Variants in TRMT1L observed in about 807,000 individuals in gnomAD.
TRMT1L encodes the protein tRNA (guanine(27)-N(2))-dimethyltransferase.
Under a neutral mutation model 81.6 loss-of-function variants are expected in TRMT1L, and 28 were observed. The observed-to-expected ratio is 0.34, with a 90% CI of 0.25 to 0.47. TRMT1L has a LOEUF of 0.47. Among genes scored for constraint, TRMT1L ranks in the 20% least tolerant of loss-of-function variants. The pLI is 1.00. For synonymous variants in TRMT1L, 301 were observed against 303.2 expected (o/e 0.99, Z 0.07); for missense variants, 739 against 877.1 (o/e 0.84, Z 1.99).
intron 3 of TRMT1L, among the ~76,000 whole-genome samples, chr1:185,149,979 C>G (rs78911245): frequency 0.013 from 1,990 of 152,034 alleles, 37 homozygotes; most frequent in African/African-American, 0.045. Flanking sequence ...TTTTTTTAAG[C>G]CATCAGCAGA....
At chr1:185,143,486 T>C (rs753633784) in intron 6 of TRMT1L, 50 bp from the exon 7 acceptor site, 5 of 1,509,022 alleles carry the variant, frequency 3.3e-6, no homozygotes, top group East Asian at 2.3e-5. Flanking sequence ...TTCACCATCA[T>C]AGATTTTATT....
chr1:185,131,009 A>AT (rs941368493), intron 10 of TRMT1L, among the ~76,000 whole-genome samples: 27 of 148,836 alleles, frequency 1.8e-4, no homozygotes, highest in East Asian at 3.9e-4. Flanking sequence ...TTTTATTTTT[A>AT]TTTTTTTTTT....
At chr1:185,133,588 C>T (rs1007627343) in intron 10 of TRMT1L, among the ~76,000 whole-genome samples, 10 of 150,600 alleles carry the variant, frequency 6.6e-5, no homozygotes, top group Admixed American at 4.0e-4. Context: ...TCTGGTTCTT[C>T]TGACTTGCTT....
At chr1:185,154,570 A>C (rs1331885176) in intron 1 of TRMT1L, among the ~76,000 whole-genome samples, 1 of 152,254 alleles carries the variant, frequency 6.6e-6, no homozygotes, top group Non-Finnish European at 1.5e-5. Context: ...TTTTGGTTCC[A>C]GAGTTCAAAG....
Position 185,156,680 on chromosome 1 carries a change from G to T in TRMT1L, c.33C>A (p.Pro11=). ...CCACCTCCACCTCCTCCTTCTCCAG[G>T]GGCAGCAGCTCCTCCTCCGCCATAT... is the stretch of plus-strand genomic sequence containing the variant. MENMAEEELL[P]LEKEEVEVAQ... is the part of the protein sequence containing the mutation. Residue 11 remains proline (P), a synonymous_variant, in exon 1 of 15, where the codon CCC becomes CCA. Transcript: ENST00000367506. 6.2e-7 allele frequency: 1 copy of T among 1,612,304 alleles called. No homozygotes were observed. The highest frequency in any genetic ancestry group is 8.5e-7 in the Non-Finnish European group (1 of 1,179,666).
chr1:185,125,201 A>G (rs1430656654), intron 11 of TRMT1L, 91 bp from the exon 12 acceptor site: 8 of 816,206 alleles, frequency 9.8e-6, no homozygotes, highest in African/African-American at 1.7e-5. Flanking sequence ...AGTAAGATAT[A>G]TAATTAATTA....
intron 8 of TRMT1L, 61 bp from the exon 9 acceptor site, chr1:185,139,640 G>C (rs904394714): frequency 1.8e-6 from 2 of 1,111,216 alleles, no homozygotes; most frequent in East Asian, 5.2e-5. Flanking sequence ...TTATACCACT[G>C]TAATTATTTC....
chr1:185,131,911 T>C (rs1263018576), intron 10 of TRMT1L, among the ~76,000 whole-genome samples: 1 of 150,932 alleles, frequency 6.6e-6, no homozygotes, highest in Non-Finnish European at 1.5e-5. Flanking sequence ...GGAGACGAGG[T>C]AGGCAGATCA....
In TRMT1L at chr1:185,147,170, A is replaced by T. The variant is rs372543236; in HGVS notation, c.525+12T>A. On this transcript the variant is annotated intron_variant, in intron 4 of 14. Transcript: ENST00000367506. Reference sequence around the variant, plus strand: ...CTAAATTTAAAAATAAAAAAATCTAATATCTGATCACCTGTTCTCCAATAA... The same window carrying T: ...CTAAATTTAAAAATAAAAAAATCTATTATCTGATCACCTGTTCTCCAATAA... The T allele has an allele frequency of 3.8e-6, 6 of 1,584,362 alleles. No homozygotes were observed. The South Asian group carries it at 5.8e-5, about 15-fold the overall frequency.
chr1:185,119,781 C>CTT lies in TRMT1L; in HGVS notation c.*236_*237dup. The CTT allele has an allele frequency of 2.4e-6, 1 of 412,618 alleles. No homozygotes were observed. Among genetic ancestry groups the CTT allele is most frequent in the East Asian group, 3.8e-5 (1 of 26,600 alleles). 25.6% of individuals were successfully genotyped at this position (412,618 alleles called of 1,614,324 possible). On this transcript the variant is annotated 3_prime_UTR_variant, in exon 15 of 15. Coordinates refer to ENST00000367506, the MANE Select transcript of TRMT1L (RefSeq NM_030934.5). ...AAGCAGTAGGGTGATCTCAGTGAGACTTGGCTTCATATGAAATGTTTCCAT... is the reference window on the plus strand; with the variant it reads ...AAGCAGTAGGGTGATCTCAGTGAGACTTTTGGCTTCATATGAAATGTTTCCAT...
intron 8 of TRMT1L, 56 bp downstream of exon 8, chr1:185,139,917 G>A (rs913864614): frequency 4.8e-5 from 74 of 1,534,122 alleles, no homozygotes; most frequent in East Asian, 3.4e-4. Flanking sequence ...ACTACTCCTC[G>A]TCCCCAAAAT....
upstream of TRMT1L, chr1:185,157,050 C>T: frequency 6.5e-6 from 2 of 307,740 alleles, no homozygotes; most frequent in Non-Finnish European, 1.2e-5. Flanking sequence ...CACCGGCCAA[C>T]CACCAAACCG....
intron 9 of TRMT1L, among the ~76,000 whole-genome samples, chr1:185,138,179 T>TATGCAGGATAGTATG (rs1652947893): frequency 6.6e-6 from 1 of 152,228 alleles, no homozygotes; most frequent in Admixed American, 6.5e-5. Flanking sequence ...GTAATGACTA[T>TATGCAGGATAGTATG]ATGCAGGATA....
At chr1:185,122,078 G>A (rs557538929) in intron 13 of TRMT1L, among the ~76,000 whole-genome samples, 1 of 152,212 alleles carries the variant, frequency 6.6e-6, no homozygotes, top group East Asian at 1.9e-4. Context: ...TTAGGATAAC[G>A]GCCTAGAGTG....
intron 10 of TRMT1L, among the ~76,000 whole-genome samples, chr1:185,132,140 T>TA (rs1557986522): frequency 6.7e-6 from 1 of 148,416 alleles, no homozygotes. Context: ...GACTCCATCT[T>TA]AAAAAAAAGA....
In TRMT1L at chr1:185,137,414, C is replaced by A. The variant is rs1292986739; in HGVS notation, c.1513+192G>T. On this transcript the variant is annotated intron_variant, in intron 10 of 14. Transcript: ENST00000367506. ...GAGCTAGAAAGCATATATTGTACAG[C>A]ATGAGTAAATAACTTTAATAAACTC... 6 of 703,834 alleles carry A rather than the reference C, an allele frequency of 8.5e-6. No individual in the cohort carries two copies. The Admixed American group carries it at 1.2e-4, about 14-fold the overall frequency. The allele number at this position is 703,834 out of a possible 1,614,324, so 43.6% of individuals were successfully genotyped here. A position where few individuals can be genotyped will look rare whatever the true frequency, so the allele number is the denominator to read the frequency against.
Position 185,156,736 on chromosome 1 carries a change from C to T in TRMT1L, c.-24G>A. 7 of 1,611,810 alleles carry T rather than the reference C, an allele frequency of 4.3e-6. No individual in the cohort carries two copies. Among genetic ancestry groups the T allele is most frequent in the Non-Finnish European group, 5.9e-6 (7 of 1,179,502 alleles). On this transcript the variant is annotated 5_prime_UTR_variant, in exon 1 of 15. Coordinates refer to ENST00000367506, the MANE Select transcript of TRMT1L (RefSeq NM_030934.5). ...ATAGTTACCGCCTCCGTGCCAAGCC[C>T]GCCCGGGGACCCGGAGCGGGGCTCA...
At chr1:185,151,468 C>T (rs1653344635) in intron 2 of TRMT1L, among the ~76,000 whole-genome samples, 1 of 152,102 alleles carries the variant, frequency 6.6e-6, no homozygotes, top group Admixed American at 6.5e-5. Context: ...ACTCTCATAC[C>T]AGCCCTAAAT....
intron 2 of TRMT1L, among the ~76,000 whole-genome samples, chr1:185,150,993 C>T (rs932403176): frequency 1.3e-5 from 2 of 152,134 alleles, no homozygotes; most frequent in African/African-American, 2.4e-5. Context: ...TTGATATAAC[C>T]GCTGTTCTGA....
Sources: allele counts gnomAD v4.1 joint callset (sites outside exome capture counted in the v4.1 genomes callset), GRCh38; gene constraint gnomAD v4.1.1; transcripts MANE v1.5; gene names NCBI Gene and HGNC (gene_info 2026-07-23, HGNC 2026-07-21).